The following ETS1 variants were observed in gnomAD, a reference collection of about 807,000 sequenced individuals.
The protein encoded by ETS1 is ETS proto-oncogene 1, transcription factor.
A neutral mutation model predicts 58.6 loss-of-function variants in ETS1; 15 were observed. The observed-to-expected ratio is 0.26, with a 90% confidence interval of 0.17 to 0.39. The LOEUF (loss-of-function observed/expected upper bound fraction) is 0.39, where lower values mean the gene tolerates loss of function less well. Among genes scored for constraint, ETS1 ranks in the 10% least tolerant of loss-of-function variants. The pLI is 1.00. For synonymous variants in ETS1, 214 were observed against 218.2 expected, an observed-to-expected ratio of 0.98 and a Z score of 0.17; for missense variants, 417 against 610.5, an observed-to-expected ratio of 0.68 and a Z score of 3.34.
In ETS1 at chr11:128,549,410, G is replaced by A. The variant is rs956911018; in HGVS notation, c.214+6881C>T. ...CGGCGGCGTCCACCGTCCCACCCCCGTGCGAGGAGTTCCAGGAGAGGGGTC... is the reference window on the plus strand; with the variant it reads ...CGGCGGCGTCCACCGTCCCACCCCCATGCGAGGAGTTCCAGGAGAGGGGTC... On this transcript the variant is annotated intron_variant, in intron 3 of 9. Transcript: ENST00000392668. The surrounding 1 kb of genome is among the most constrained non-coding windows in gnomAD (Gnocchi z 4.3). Among the ~76,000 whole-genome samples the A allele has an allele frequency of 3.3e-5, 5 of 152,202 alleles. No homozygotes were observed. The highest frequency in any genetic ancestry group is 1.9e-4 in the East Asian group (1 of 5,184).
At chr11:128,569,318 C>T (rs369216723) in intron 2 of ETS1, among the ~76,000 whole-genome samples, 225 of 39,456 alleles carry the variant, frequency 5.7e-3, no homozygotes, top group Admixed American at 8.1e-3. Flanking sequence ...AGAGTTTCTT[C>T]TTTTTTTTTT....
intron 1 of ETS1, among the ~76,000 whole-genome samples, chr11:128,574,538 C>T (rs141463480): frequency 1.1e-3 from 164 of 152,280 alleles, no homozygotes; most frequent in Non-Finnish European, 1.9e-3. Context: ...ACATTGTTAA[C>T]ATCTGCGTCA....
rs1397646060 is a variant in ETS1 at position 128,460,900 on chromosome 11, G to A, written c.*1461C>T. 1 of 152,278 alleles carries A rather than the reference G, an allele frequency of 6.6e-6. No individual in the cohort carries two copies. The highest frequency in any genetic ancestry group is 2.4e-5 in the African/African-American group (1 of 41,434). 9.4% of individuals were successfully genotyped at this position (152,278 alleles called of 1,614,324 possible). A position where few individuals can be genotyped will look rare whatever the true frequency, so the allele number is the denominator to read the frequency against. On this transcript the variant is annotated 3_prime_UTR_variant, in exon 10 of 10. Coordinates refer to ENST00000392668, the MANE Select transcript of ETS1 (RefSeq NM_001143820.2). ...CAAGCAAGAGGCCCTGGCATCACCTGTGCCATTCATTTTGCATACACAGTC... is the reference window on the plus strand; with the variant it reads ...CAAGCAAGAGGCCCTGGCATCACCTATGCCATTCATTTTGCATACACAGTC...
chr11:128,511,936 T>A (rs1026168308), intron 3 of ETS1, among the ~76,000 whole-genome samples: 25 of 152,350 alleles, frequency 1.6e-4, no homozygotes, highest in African/African-American at 5.5e-4. Context: ...AGGATTACCA[T>A]GAGCTCAAAT....
intron 3 of ETS1, among the ~76,000 whole-genome samples, chr11:128,517,259 G>T (rs949729506): frequency 1.3e-5 from 2 of 152,190 alleles, no homozygotes; most frequent in African/African-American, 4.8e-5. Flanking sequence ...CCAAAGCACC[G>T]ACCAGCATTG....
At chr11:128,585,011 G>A (rs7934038) in intron 1 of ETS1, among the ~76,000 whole-genome samples, 389 of 19,880 alleles carry the variant, frequency 0.02, 69 homozygotes, top group African/African-American at 0.14. Flanking sequence ...AGGAAAGAAA[G>A]GAAAGAAAGA....
chr11:128,512,330 G>A (rs1863413478), intron 3 of ETS1, among the ~76,000 whole-genome samples: 1 of 152,182 alleles, frequency 6.6e-6, no homozygotes, highest in Non-Finnish European at 1.5e-5. Context: ...GAGATGAGAA[G>A]TGCTTACACA....
At chr11:128,465,061 T>G (rs866232043) in intron 8 of ETS1, among the ~76,000 whole-genome samples, 3 of 152,096 alleles carry the variant, frequency 2.0e-5, no homozygotes, top group South Asian at 2.1e-4. Flanking sequence ...CAGGGCAACC[T>G]CCAATGAAGT....
intron 3 of ETS1, among the ~76,000 whole-genome samples, chr11:128,542,080 T>C (rs971919042): frequency 2.6e-5 from 4 of 152,230 alleles, no homozygotes; most frequent in Non-Finnish European, 4.4e-5. Flanking sequence ...GTCTCTTTTT[T>C]ACACAGTATA....
At chr11:128,524,915 C>T (rs1348941015) in intron 3 of ETS1, among the ~76,000 whole-genome samples, 1 of 152,062 alleles carries the variant, frequency 6.6e-6, no homozygotes, top group East Asian at 1.9e-4. Context: ...CACGTCCACT[C>T]GGTTACATGT....
At chr11:128,585,348 C>CAAGGAAGGAAGGAAGG (rs973321049) in intron 1 of ETS1, among the ~76,000 whole-genome samples, 2 of 113,106 alleles carry the variant, frequency 1.8e-5, no homozygotes, top group Admixed American at 9.1e-5. Context: ...AGGAAGGAAG[C>CAAGGAAGGAAGGAAGG]AAGGAAGGAA....
At chr11:128,536,599 A>G (rs895487569) in intron 3 of ETS1, 5 of 152,210 alleles carry the variant, frequency 3.3e-5, no homozygotes, top group East Asian at 1.9e-4. Flanking sequence ...TTCTGATCCA[A>G]TTGAGACTGT....
chr11:128,523,422 C>T (rs1186628825), intron 3 of ETS1, among the ~76,000 whole-genome samples: 1 of 152,250 alleles, frequency 6.6e-6, no homozygotes, highest in Admixed American at 6.5e-5. Flanking sequence ...GAACCAGGCA[C>T]TGAGCTCCAT....
At chr11:128,504,178 C>A (rs1863165325) in intron 3 of ETS1, among the ~76,000 whole-genome samples, 1 of 152,186 alleles carries the variant, frequency 6.6e-6, no homozygotes, top group Non-Finnish European at 1.5e-5. Context: ...CACTGCTAAA[C>A]CTATCATACG....
intron 3 of ETS1, among the ~76,000 whole-genome samples, chr11:128,540,320 CAAAA>C (rs112191021): frequency 6.0e-5 from 5 of 83,950 alleles, no homozygotes; most frequent in Admixed American, 1.3e-4. Flanking sequence ...AATTCCATCT[CAAAA>C]AAAAAAAAAA....
In ETS1 at chr11:128,545,340, A is replaced by G. The variant is rs1007831507; in HGVS notation, c.214+10951T>C. Among the ~76,000 whole-genome samples the G allele has an allele frequency of 1.3e-4, 20 of 152,340 alleles. No individual in the cohort carries two copies. In the South Asian group the frequency reaches 2.3e-3, roughly 17 times the overall value. On this transcript the variant is annotated intron_variant, in intron 3 of 9. Coordinates refer to ENST00000392668, the MANE Select transcript of ETS1 (RefSeq NM_001143820.2). ...CCGGAGGTGGGCAATTGTCACAGCA[A>G]TGAAGATGTGAACAAATGTTTGGGC... is the stretch of plus-strand genomic sequence containing the variant.
At chr11:128,582,507 TATTA>T (rs779644813) in intron 1 of ETS1, among the ~76,000 whole-genome samples, 1 of 152,358 alleles carries the variant, frequency 6.6e-6, no homozygotes, top group Non-Finnish European at 1.5e-5. Context: ...TACTGTTTTA[TATTA>T]ATTACTTTTT....
At chr11:128,468,696 T>C (rs954656808) in intron 8 of ETS1, among the ~76,000 whole-genome samples, 2 of 152,158 alleles carry the variant, frequency 1.3e-5, no homozygotes, top group South Asian at 2.1e-4. Flanking sequence ...CATATTTCCA[T>C]AGTACATGGC....
chr11:128,550,335 G>A (rs1864209708), intron 3 of ETS1, among the ~76,000 whole-genome samples: 1 of 152,204 alleles, frequency 6.6e-6, no homozygotes, highest in African/African-American at 2.4e-5. Context: ...GAGGTGGGAG[G>A]AAAAAGAAAG....
Sources: allele counts gnomAD v4.1 joint callset (sites outside exome capture counted in the v4.1 genomes callset), GRCh38; gene constraint gnomAD v4.1.1; non-coding constraint Gnocchi (gnomAD v3.1); transcripts MANE v1.5; gene names NCBI Gene and HGNC (gene_info 2026-07-23, HGNC 2026-07-21).